The following IL1RAPL1 variants were observed in gnomAD, a reference collection of about 807,000 sequenced individuals.
IL1RAPL1 encodes interleukin-1 receptor accessory protein-like 1.
A neutral mutation model predicts 48.4 loss-of-function variants in IL1RAPL1; 3 were observed. That is an observed-to-expected ratio of 0.06 (90% CI 0.03 to 0.16). The LOEUF is 0.16. Ranked by LOEUF, IL1RAPL1 falls within the 10% of genes least tolerant of loss-of-function variation. The pLI is 1.00. For synonymous variants in IL1RAPL1, 185 were observed against 187.7 expected (o/e 0.99, Z 0.12); for missense variants, 349 against 530.6 (o/e 0.66, Z 3.36).
chrX:29,680,098 A>C (rs1303015532), intron 6 of IL1RAPL1, among the ~76,000 whole-genome samples: 1 of 111,615 alleles, frequency 9.0e-6, no homozygotes, highest in Admixed American at 9.6e-5. Context: ...TAAGCAATTT[A>C]AACTTGAAGA....
intron 2 of IL1RAPL1, among the ~76,000 whole-genome samples, chrX:28,956,247 C>A (rs1924606611): frequency 1.9e-5 from 2 of 107,645 alleles, no homozygotes; most frequent in Admixed American, 2.0e-4. Context: ...ATTGAATACC[C>A]TTTATTTCCT....
chrX:29,126,214 A>C (rs892968138), intron 2 of IL1RAPL1, among the ~76,000 whole-genome samples: 1 of 111,647 alleles, frequency 9.0e-6, no homozygotes, highest in African/African-American at 3.3e-5. Flanking sequence ...TGGCTTTGTG[A>C]GTTGAGTGCA....
chrX:29,694,986 C>T (rs1926872704), intron 6 of IL1RAPL1, among the ~76,000 whole-genome samples: 1 of 54,039 alleles, frequency 1.9e-5, no homozygotes, highest in Non-Finnish European at 3.3e-5. Flanking sequence ...ATAACTTCTC[C>T]AGGTGGAGAA....
chrX:29,463,530 G>C (rs1056122015), intron 5 of IL1RAPL1, among the ~76,000 whole-genome samples: 5 of 111,329 alleles, frequency 4.5e-5, no homozygotes, highest in African/African-American at 1.6e-4. Flanking sequence ...TTTTACCCTG[G>C]TCCCTTGTTT....
At chrX:29,458,985 A>G (rs1934772531) in intron 5 of IL1RAPL1, among the ~76,000 whole-genome samples, 1 of 112,335 alleles carries the variant, frequency 8.9e-6, no homozygotes, top group Non-Finnish European at 1.9e-5. Flanking sequence ...GAAAGCAGTC[A>G]CAAATACTAA....
chrX:28,818,064 A>G (rs112654874), intron 2 of IL1RAPL1, among the ~76,000 whole-genome samples: 1,997 of 111,093 alleles, frequency 0.018, 40 homozygotes, highest in African/African-American at 0.061. Flanking sequence ...TTACAAATCA[A>G]ATGTTAGAAC....
chrX:29,334,179 G>GTGGC (rs1932937315), intron 3 of IL1RAPL1, among the ~76,000 whole-genome samples: 1 of 61,391 alleles, frequency 1.6e-5, no homozygotes, highest in African/African-American at 6.8e-5. Context: ...CCCGGACGGG[G>GTGGC]CGGCCGGCCG....
chrX:29,329,342 C>T (rs1175888618), intron 3 of IL1RAPL1, among the ~76,000 whole-genome samples: 1 of 111,738 alleles, frequency 8.9e-6, no homozygotes, highest in Non-Finnish European at 1.9e-5. Context: ...CAATTCCACT[C>T]TTAGGTATAT....
intron 5 of IL1RAPL1, among the ~76,000 whole-genome samples, chrX:29,423,228 C>G (rs1231710084): frequency 8.9e-6 from 1 of 111,959 alleles, no homozygotes; most frequent in Non-Finnish European, 1.9e-5. Context: ...CCTGGAAGCA[C>G]CCCCACAACA....
chrX:29,718,985 A>T (rs1029866524), intron 6 of IL1RAPL1, among the ~76,000 whole-genome samples: 1 of 112,340 alleles, frequency 8.9e-6, no homozygotes, highest in Non-Finnish European at 1.9e-5. Flanking sequence ...TCAAGTTAGT[A>T]ACCCTTCGGA....
chrX:29,885,934 T>C (rs1932152909), intron 6 of IL1RAPL1, among the ~76,000 whole-genome samples: 1 of 112,312 alleles, frequency 8.9e-6, no homozygotes, highest in Admixed American at 9.4e-5. Flanking sequence ...TTGAAGGAGA[T>C]TTTTTACAAG....
chrX:29,670,009 G>T (rs1226706027), intron 6 of IL1RAPL1, among the ~76,000 whole-genome samples: 1 of 111,633 alleles, frequency 9.0e-6, no homozygotes, highest in Non-Finnish European at 1.9e-5. Flanking sequence ...TTTGGGCCGA[G>T]AATGGAGGGT....
At chrX:29,894,480 CTTTAT>C (rs1932336206) in intron 6 of IL1RAPL1, among the ~76,000 whole-genome samples, 1 of 111,955 alleles carries the variant, frequency 8.9e-6, no homozygotes, top group African/African-American at 3.2e-5. Flanking sequence ...CCCTTTACTA[CTTTAT>C]TTTCACTAGA....
chrX:28,746,830 T>A (rs1935984405), intron 1 of IL1RAPL1, among the ~76,000 whole-genome samples: 1 of 111,746 alleles, frequency 8.9e-6, no homozygotes, highest in African/African-American at 3.2e-5. Context: ...CTTGCAAAAT[T>A]CTTATAAACT....
chrX:28,611,074 A>G (rs905265971), intron 1 of IL1RAPL1, among the ~76,000 whole-genome samples: 2 of 111,598 alleles, frequency 1.8e-5, no homozygotes, highest in Non-Finnish European at 3.8e-5. Context: ...AGCATCCCTG[A>G]GTTAGTGTTC....
chrX:29,154,228 A>AC (rs200857891), intron 2 of IL1RAPL1, among the ~76,000 whole-genome samples: 1,483 of 111,472 alleles, frequency 0.013, 23 homozygotes, highest in African/African-American at 0.045. Flanking sequence ...TATCTTCTTA[A>AC]CCCAGTTGTG....
At chrX:29,758,677 C>T (rs998172501) in intron 6 of IL1RAPL1, among the ~76,000 whole-genome samples, 1 of 103,673 alleles carries the variant, frequency 9.6e-6, no homozygotes, top group East Asian at 2.9e-4. Flanking sequence ...GCCTGTGCAA[C>T]AAGAGCAAAA....
intron 2 of IL1RAPL1, among the ~76,000 whole-genome samples, chrX:29,277,782 A>AT (rs1359346265): frequency 7.1e-5 from 8 of 112,436 alleles, no homozygotes; most frequent in African/African-American, 2.6e-4. Flanking sequence ...CATATACAGT[A>AT]TATAATGAGA....
chrX:28,663,459 T>G (rs1326168203), intron 1 of IL1RAPL1, among the ~76,000 whole-genome samples: 1 of 112,411 alleles, frequency 8.9e-6, no homozygotes, highest in Non-Finnish European at 1.9e-5. Context: ...CTGGATCCAG[T>G]AATTTTAAAA....
Sources: allele counts gnomAD v4.1 joint callset (sites outside exome capture counted in the v4.1 genomes callset), GRCh38; gene constraint gnomAD v4.1.1; transcripts MANE v1.5; gene names NCBI Gene and HGNC (gene_info 2026-07-23, HGNC 2026-07-21).